Variants in SMURF1 observed in about 807,000 individuals in gnomAD.
The protein encoded by SMURF1 is SMAD specific E3 ubiquitin protein ligase 1.
Under a neutral mutation model 98.0 loss-of-function variants are expected in SMURF1, and 44 were observed. The observed-to-expected ratio is 0.45, with a 90% CI of 0.35 to 0.58. The LOEUF (loss-of-function observed/expected upper bound fraction) is 0.58, where lower values mean the gene tolerates loss of function less well. SMURF1 is among the 20% of genes least tolerant of loss of function. The pLI, the probability that SMURF1 is intolerant of heterozygous loss-of-function variation, is 0.00. For synonymous variants in SMURF1, 396 were observed against 374.9 expected (o/e 1.06, Z -0.65); for missense variants, 687 against 938.4 (o/e 0.73, Z 3.50).
intron 7 of SMURF1, 49 bp from the exon 8 acceptor site, chr7:99,051,490 G>C: frequency 6.7e-7 from 1 of 1,487,942 alleles, no homozygotes; most frequent in African/African-American, 1.4e-5. Context: ...ATTCCAGGGA[G>C]AGTTTGTAAC....
intron 1 of SMURF1, among the ~76,000 whole-genome samples, chr7:99,079,295 G>A (rs1055179908): frequency 6.6e-6 from 1 of 152,204 alleles, no homozygotes; most frequent in Admixed American, 6.5e-5. Context: ...CTGGCTCTGG[G>A]ACACAGGGCC....
intron 1 of SMURF1, among the ~76,000 whole-genome samples, chr7:99,129,036 A>G (rs988197175): frequency 1.1e-4 from 17 of 152,238 alleles, no homozygotes; most frequent in African/African-American, 4.1e-4. Flanking sequence ...ATCATACTCT[A>G]TTATGTTTAA....
chr7:99,032,906 TTGAGTTCTGATGA>T (rs1001280573), intron 17 of SMURF1, 118 bp downstream of exon 17: 55 of 1,085,092 alleles, frequency 5.1e-5, no homozygotes, highest in Middle Eastern at 3.1e-4. Context: ...GCTGTGGCTT[TTGAGTTCTGATGA>T]TGACAAAAAT....
intron 1 of SMURF1, among the ~76,000 whole-genome samples, chr7:99,122,502 G>T (rs1389077532): frequency 6.6e-6 from 1 of 151,852 alleles, no homozygotes; most frequent in Non-Finnish European, 1.5e-5. Context: ...AAATTAGCCA[G>T]GTGTGGTGGC....
At chr7:99,127,940 T>C (rs1239661299) in intron 1 of SMURF1, among the ~76,000 whole-genome samples, 1 of 152,210 alleles carries the variant, frequency 6.6e-6, no homozygotes, top group African/African-American at 2.4e-5. Flanking sequence ...ATAAACTGTC[T>C]CCTTTTGAGA....
intron 12 of SMURF1, among the ~76,000 whole-genome samples, chr7:99,041,238 C>A (rs1795368871): frequency 6.6e-6 from 1 of 152,076 alleles, no homozygotes; most frequent in Non-Finnish European, 1.5e-5. Context: ...CCCATCTCTA[C>A]TAAAAATACA....
intron 1 of SMURF1, 109 bp downstream of exon 1, chr7:99,143,617 T>C (rs1263101750): frequency 1.9e-5 from 16 of 842,716 alleles, no homozygotes. Flanking sequence ...GACGAGGTCC[T>C]GGGACAACGG....
chr7:99,101,095 CT>C (rs1425556623), intron 1 of SMURF1, among the ~76,000 whole-genome samples: 34 of 152,286 alleles, frequency 2.2e-4, no homozygotes, highest in Admixed American at 1.8e-3. Flanking sequence ...GAACTTGGTT[CT>C]TGATAAGGAA....
chr7:99,066,750 G>A (rs558583077), intron 1 of SMURF1, among the ~76,000 whole-genome samples: 129 of 149,680 alleles, frequency 8.6e-4, no homozygotes, highest in Non-Finnish European at 1.5e-3. Flanking sequence ...CTGCACTCCA[G>A]CCTGGGTGAC....
At chr7:99,080,594 C>A (rs993157500) in intron 1 of SMURF1, among the ~76,000 whole-genome samples, 1 of 152,180 alleles carries the variant, frequency 6.6e-6, no homozygotes, top group African/African-American at 2.4e-5. Flanking sequence ...CCACCACGCC[C>A]GGCTAAACCT....
chr7:99,037,132 G>A lies in SMURF1; in HGVS notation c.1744C>T (p.Gln582Ter), dbSNP rs759270319. ...RGIEAQFLALQKGFNELIPQH... is the reference protein window; with the variant it reads ...RGIEAQFLAL Reference sequence around the variant, plus strand: ...GGGATGAGCTCATTGAACCCCTTCTGCAGAGCTAAGAACTGGGCTTCGATT... The same window carrying A: ...GGGATGAGCTCATTGAACCCCTTCTACAGAGCTAAGAACTGGGCTTCGATT... The change falls in exon 15 of 18, where the codon CAG becomes TAG. Residue 582 changes from glutamine to a stop codon, truncating the protein, a stop_gained. Coordinates refer to ENST00000361368, the MANE Select transcript of SMURF1 (RefSeq NM_181349.3). LOFTEE classifies it high-confidence loss of function. The A allele has an allele frequency of 1.2e-6, 2 of 1,614,148 alleles. No individual in the cohort carries two copies. Among genetic ancestry groups the A allele is most frequent in the Non-Finnish European group, 1.7e-6 (2 of 1,180,024 alleles).
Position 99,047,728 on chromosome 7 carries a change from C to T in SMURF1, c.1108G>A (p.Ala370Thr). ...RHELSLQQPQ[A>T]GHCRIEVSRE... ...GACACTTCGATGCGGCAATGACCAG[C>T]TTGGGGCTGCTGAAGCGACAGTTCG... Residue 370 changes from alanine (A) to threonine (T), a missense_variant, in exon 10 of 18, where the codon GCT becomes ACT. By Grantham distance (58) the Ala-to-Thr change is moderately conservative (BLOSUM62 0). This residue lies in a region of SMURF1 where 415 missense variants were observed against 508.4 expected (regional missense o/e 0.82). Coordinates refer to ENST00000361368, the MANE Select transcript of SMURF1 (RefSeq NM_181349.3). 1 of 1,614,212 alleles carries T rather than the reference C, an allele frequency of 6.2e-7. No homozygotes were observed. The highest frequency in any genetic ancestry group is 8.5e-7 in the Non-Finnish European group (1 of 1,180,044).
In SMURF1 at chr7:99,110,537, A is replaced by G. The variant is rs896475308; in HGVS notation, c.55+33189T>C. On this transcript the variant is annotated intron_variant, in intron 1 of 17. Transcript: ENST00000361368. Reference sequence around the variant, plus strand: ...AAGAGAGATGCAGATTAAACCTACAATAAGATGCCATCTCTCACCTATCAG... The same window carrying G: ...AAGAGAGATGCAGATTAAACCTACAGTAAGATGCCATCTCTCACCTATCAG... Among the ~76,000 whole-genome samples the G allele has an allele frequency of 7.2e-5, 11 of 152,242 alleles. No individual in the cohort carries two copies. The East Asian group carries it at 1.9e-3, about 27-fold the overall frequency.
At chr7:99,129,831 C>A (rs1053670497) in intron 1 of SMURF1, among the ~76,000 whole-genome samples, 2 of 152,198 alleles carry the variant, frequency 1.3e-5, no homozygotes, top group Non-Finnish European at 2.9e-5. Flanking sequence ...GGGATTCAAC[C>A]ATTCCTGGAA....
intron 1 of SMURF1, among the ~76,000 whole-genome samples, chr7:99,072,065 T>C (rs1796336580): frequency 2.7e-5 from 4 of 150,624 alleles, no homozygotes; most frequent in Admixed American, 6.6e-5. Context: ...GGCAACAGAG[T>C]GAGATGCCGT....
chr7:99,109,575 A>AG (rs1797275764), intron 1 of SMURF1, among the ~76,000 whole-genome samples: 1 of 152,142 alleles, frequency 6.6e-6, no homozygotes, highest in African/African-American at 2.4e-5. Context: ...ATTTTTCCCC[A>AG]GCCCTGGAAG....
Position 99,052,354 on chromosome 7 carries a change from C to T in SMURF1, c.572G>A (p.Gly191Glu). The T allele has an allele frequency of 1.2e-6, 2 of 1,612,544 alleles. No individual in the cohort carries two copies. Among genetic ancestry groups the T allele is most frequent in the Non-Finnish European group, 1.7e-6 (2 of 1,179,316 alleles). The change falls in exon 7 of 18, where the codon GGA becomes GAA. Residue 191 changes from glycine (G) to glutamate (E), a missense_variant. By Grantham distance (98) the Gly-to-Glu change is moderately conservative (BLOSUM62 -2). This residue lies in a region of SMURF1 where 415 missense variants were observed against 508.4 expected (regional missense o/e 0.82). Transcript: ENST00000361368. Reference protein sequence around the residue: ...PYTDSTGAAAGGGNCRFVESP... With the variant: ...PYTDSTGAAAEGGNCRFVESP... ...CTCCACGAACCTGCAATTCCCTCCT[C>T]CAGCAGCAGCACCGGTGCTATCTGT...
rs150451698 is a variant in SMURF1 at position 99,041,256 on chromosome 7, G to T, written c.1372-700C>A. 1.7e-3 allele frequency among the ~76,000 whole-genome samples: 256 copies of T among 152,182 alleles called. 2 individuals carry two copies. Among genetic ancestry groups the T allele is most frequent in the African/African-American group, 5.9e-3 (246 of 41,528 alleles). On this transcript the variant is annotated intron_variant, in intron 12 of 17. Coordinates refer to ENST00000361368, the MANE Select transcript of SMURF1 (RefSeq NM_181349.3). ...ATCTCTACTAAAAATACAAAAACTA[G>T]CTGGGCCTGGTGGCAGGGGTCTGTG...
At chr7:99,047,563 A>G (rs2150521246) in intron 10 of SMURF1, 121 bp downstream of exon 10, 1 of 992,832 alleles carries the variant, frequency 1.0e-6, no homozygotes, top group East Asian at 2.5e-5. Context: ...AAACGCAGAC[A>G]TCACCCACAA....
Sources: allele counts gnomAD v4.1 joint callset (sites outside exome capture counted in the v4.1 genomes callset), GRCh38; gene constraint gnomAD v4.1.1; regional missense constraint gnomAD v4.1.1; transcripts MANE v1.5; gene names NCBI Gene and HGNC (gene_info 2026-07-23, HGNC 2026-07-21).